Variants in SNRNP40 observed in about 807,000 individuals in gnomAD.
The protein encoded by SNRNP40 is U5 small nuclear ribonucleoprotein 40 kDa protein.
Under a neutral mutation model 45.8 loss-of-function variants are expected in SNRNP40, and 21 were observed. That is an observed-to-expected ratio of 0.46 (90% CI 0.32 to 0.66). The LOEUF (loss-of-function observed/expected upper bound fraction) is 0.66. Ranked by LOEUF, SNRNP40 falls within the 30% of genes least tolerant of loss-of-function variation. The pLI is 0.03. For synonymous variants in SNRNP40, 142 were observed against 163.8 expected (o/e 0.87, Z 1.01); for missense variants, 344 against 439.1 (o/e 0.78, Z 1.94).
chr1:31,282,469 A>G (rs1228655235), intron 4 of SNRNP40: 1 of 46,438 alleles, frequency 2.2e-5, no homozygotes, highest in African/African-American at 1.0e-4. Context: ...ATTCCTGGCT[A>G]TCTATCTATC....
intron 1 of SNRNP40, among the ~76,000 whole-genome samples, chr1:31,293,702 C>A (rs1466414909): frequency 6.6e-6 from 1 of 152,168 alleles, no homozygotes; most frequent in Non-Finnish European, 1.5e-5. Context: ...CTGCCTCAGC[C>A]TCCTGAGTAG....
chr1:31,266,101 T>C (rs1194820049), intron 8 of SNRNP40, among the ~76,000 whole-genome samples: 3 of 152,088 alleles, frequency 2.0e-5, no homozygotes, highest in Non-Finnish European at 4.4e-5. Context: ...TGAATACTTG[T>C]CCATTTTTCT....
intron 9 of SNRNP40, chr1:31,261,136 T>C: frequency 1.7e-6 from 1 of 593,778 alleles, no homozygotes; most frequent in Non-Finnish European, 2.7e-6. Flanking sequence ...ACGTCAGGAG[T>C]TCGTGACCAC....
chr1:31,261,417 C>T, intron 9 of SNRNP40, 112 bp downstream of exon 9: 1 of 681,960 alleles, frequency 1.5e-6, no homozygotes, highest in Non-Finnish European at 2.6e-6. Context: ...CACCCAAAGG[C>T]TGTTTGCATG....
chr1:31,266,405 G>A (rs1409174810), intron 8 of SNRNP40, among the ~76,000 whole-genome samples: 2 of 152,138 alleles, frequency 1.3e-5, no homozygotes, highest in African/African-American at 4.8e-5. Context: ...GCTAAACACA[G>A]GATTTGCTGT....
At chr1:31,294,829 C>G (rs888096431) in intron 1 of SNRNP40, among the ~76,000 whole-genome samples, 4 of 151,544 alleles carry the variant, frequency 2.6e-5, no homozygotes, top group African/African-American at 9.7e-5. Context: ...GTAATTCCAG[C>G]CACTCAGGAG....
In SNRNP40 at chr1:31,267,859, A is replaced by G. The variant is rs3753373; in HGVS notation, c.920+12T>C. On this transcript the variant is annotated intron_variant, in intron 8 of 9. Coordinates refer to ENST00000263694, the MANE Select transcript of SNRNP40 (RefSeq NM_004814.3). The stretch of plus-strand genomic sequence containing the variant: ...CTACATCATTCTTTACTTTGCACCC[A>G]CTAATCCTTACCTGTCGGCTGAGCC... 0.22 allele frequency: 350,462 copies of G among 1,602,974 alleles called. 43,253 individuals carry two copies. Among genetic ancestry groups the G allele is most frequent in the East Asian group, 0.51 (22,898 of 44,682 alleles).
chr1:31,275,336 C>T (rs1419638398), intron 5 of SNRNP40, among the ~76,000 whole-genome samples: 2 of 152,150 alleles, frequency 1.3e-5, no homozygotes, highest in Admixed American at 1.3e-4. Context: ...TTTAGGACAA[C>T]TAAGAGTCTT....
At chr1:31,288,071 G>A (rs1646073245) in intron 4 of SNRNP40, among the ~76,000 whole-genome samples, 1 of 152,116 alleles carries the variant, frequency 6.6e-6, no homozygotes, top group Non-Finnish European at 1.5e-5. Flanking sequence ...GCTGAGGCTG[G>A]GGAATCACTT....
At chr1:31,294,249 C>A (rs1057422569) in intron 1 of SNRNP40, among the ~76,000 whole-genome samples, 1 of 152,144 alleles carries the variant, frequency 6.6e-6, no homozygotes, top group Non-Finnish European at 1.5e-5. Context: ...TGAGCCACTG[C>A]ACCTGGCCTA....
chr1:31,270,002 A>C (rs1317796898), intron 6 of SNRNP40, among the ~76,000 whole-genome samples: 1 of 152,116 alleles, frequency 6.6e-6, no homozygotes, highest in African/African-American at 2.4e-5. Context: ...TCCCAGATTC[A>C]AGTGATTCTC....
intron 5 of SNRNP40, among the ~76,000 whole-genome samples, chr1:31,271,735 C>G (rs887502862): frequency 2.6e-5 from 4 of 152,060 alleles, no homozygotes; most frequent in African/African-American, 9.7e-5. Flanking sequence ...CCTTGACTTC[C>G]CGGGCTCAGG....
chr1:31,275,315 T>G (rs929741662), intron 5 of SNRNP40, among the ~76,000 whole-genome samples: 1 of 152,142 alleles, frequency 6.6e-6, no homozygotes, highest in African/African-American at 2.4e-5. Flanking sequence ...TTAAAGAAAT[T>G]TATGAGGTCT....
At chr1:31,292,316 C>T (rs749397538) in intron 2 of SNRNP40, among the ~76,000 whole-genome samples, 15 of 152,150 alleles carry the variant, frequency 9.9e-5, no homozygotes, top group Non-Finnish European at 1.6e-4. Flanking sequence ...GAGCCGAGAT[C>T]GCGCCACGGC....
At chr1:31,293,728 T>A (rs562755454) in intron 1 of SNRNP40, among the ~76,000 whole-genome samples, 3 of 152,204 alleles carry the variant, frequency 2.0e-5, no homozygotes, top group African/African-American at 7.2e-5. Context: ...ACTACAGGCA[T>A]GAACTAGCAT....
chr1:31,289,916 G>A (rs768739225), intron 3 of SNRNP40, among the ~76,000 whole-genome samples: 3 of 151,826 alleles, frequency 2.0e-5, no homozygotes, highest in Non-Finnish European at 4.4e-5. Flanking sequence ...TCTGTCACCC[G>A]GGTTGGAATC....
Position 31,265,847 on chromosome 1 carries a change from A to G in SNRNP40, c.920+2024T>C, listed in dbSNP as rs1013287529. Among the ~76,000 whole-genome samples, 43 of 100,398 alleles carry G rather than the reference A, an allele frequency of 4.3e-4. 1 individual carries two copies. Among genetic ancestry groups the G allele is most frequent in the African/African-American group, 1.3e-3 (41 of 31,064 alleles). 65.9% of individuals were successfully genotyped at this position (100,398 alleles called of 152,430 possible). ...AGAGTGAGACTACATCTCAAAAACA[A>G]ACAAAAATTTAATTACAAAAGATAC... is the stretch of plus-strand genomic sequence containing the variant. On this transcript the variant is annotated intron_variant, in intron 8 of 9. Transcript: ENST00000263694.
chr1:31,291,551 G>A (rs1262594821), intron 3 of SNRNP40, among the ~76,000 whole-genome samples: 1 of 151,994 alleles, frequency 6.6e-6, no homozygotes, highest in African/African-American at 2.4e-5. Flanking sequence ...TGGAGGCGTG[G>A]GCTTGTGGCC....
At chr1:31,271,306 C>A in intron 6 of SNRNP40, 73 bp downstream of exon 6, 1 of 1,458,318 alleles carries the variant, frequency 6.9e-7, no homozygotes, top group Non-Finnish European at 9.4e-7. Flanking sequence ...ACATTCTAAT[C>A]GTCTGATGGA....
Sources: allele counts gnomAD v4.1 joint callset (sites outside exome capture counted in the v4.1 genomes callset), GRCh38; gene constraint gnomAD v4.1.1; transcripts MANE v1.5; gene names NCBI Gene and HGNC (gene_info 2026-07-23, HGNC 2026-07-21).